XPNPEP1: variants seen among roughly 807,000 people sequenced by gnomAD.
XPNPEP1 encodes xaa-Pro aminopeptidase 1.
A neutral mutation model predicts 92.4 loss-of-function variants in XPNPEP1; 39 were observed. The ratio of observed to expected loss-of-function variants is 0.42; its 90% CI spans 0.33 to 0.55. The LOEUF is 0.55. Among genes scored for constraint, XPNPEP1 ranks in the 20% least tolerant of loss-of-function variants. XPNPEP1 has a pLI of 0.08. For missense variants in XPNPEP1, 654 were observed against 856.1 expected, an observed-to-expected ratio of 0.76 and a Z score of 2.95; for synonymous variants, 307 against 299.4, an observed-to-expected ratio of 1.03 and a Z score of -0.26.
At chr10:109,890,684 T>A (rs1848661010) in intron 5 of XPNPEP1, among the ~76,000 whole-genome samples, 1 of 152,104 alleles carries the variant, frequency 6.6e-6, no homozygotes, top group South Asian at 2.1e-4. Context: ...GGTGTTTTTA[T>A]ATTTATGAAA....
intron 12 of XPNPEP1, among the ~76,000 whole-genome samples, chr10:109,879,561 C>T (rs904273017): frequency 2.0e-5 from 3 of 151,876 alleles, no homozygotes; most frequent in Non-Finnish European, 4.4e-5. Flanking sequence ...CAGAGTGAGA[C>T]TCCGTCTCAA....
chr10:109,900,485 G>A (rs574412077), intron 3 of XPNPEP1, among the ~76,000 whole-genome samples: 1 of 152,176 alleles, frequency 6.6e-6, no homozygotes, highest in East Asian at 1.9e-4. Context: ...CTAAAACAAG[G>A]AACCCATTTC....
At chr10:109,875,885 G>A (rs896995549) in intron 14 of XPNPEP1, 8 of 283,262 alleles carry the variant, frequency 2.8e-5, no homozygotes, top group African/African-American at 1.8e-4. Context: ...CAAAATAGGT[G>A]TTCAAGAGAT....
intron 3 of XPNPEP1, among the ~76,000 whole-genome samples, chr10:109,897,437 T>C (rs1292622086): frequency 6.6e-6 from 1 of 152,204 alleles, no homozygotes; most frequent in Non-Finnish European, 1.5e-5. Context: ...TGACAAATAA[T>C]GTTAGCTAAG....
chr10:109,910,637 A>G (rs557780213), intron 2 of XPNPEP1, among the ~76,000 whole-genome samples: 1 of 151,782 alleles, frequency 6.6e-6, no homozygotes, highest in South Asian at 2.1e-4. Flanking sequence ...ATAATACTCC[A>G]TTGTCTGGAT....
At chr10:109,875,337 G>A (rs563037312) in intron 15 of XPNPEP1, among the ~76,000 whole-genome samples, 191 bp downstream of exon 15, 1 of 152,274 alleles carries the variant, frequency 6.6e-6, no homozygotes, top group South Asian at 2.1e-4. Flanking sequence ...ACAGTCTTTT[G>A]TGAGAACAGA....
chr10:109,897,281 G>C (rs1225895572), intron 3 of XPNPEP1, among the ~76,000 whole-genome samples: 1 of 149,702 alleles, frequency 6.7e-6, no homozygotes, highest in African/African-American at 2.5e-5. Flanking sequence ...AAAAAAAAAA[G>C]CTAGTCATCT....
At position 109,868,667 on chromosome 10, in the gene XPNPEP1, A is replaced by G. The variant is rs548234420; in HGVS notation, c.1819T>C (p.Leu607=). 29 of 1,614,024 alleles carry G rather than the reference A, an allele frequency of 1.8e-5. No individual in the cohort carries two copies. In the South Asian group the frequency reaches 3.0e-4, roughly 17 times the overall value. The change falls in exon 20 of 21, where the codon TTG becomes CTG. Residue 607 remains leucine (L), a synonymous_variant. Transcript: ENST00000502935. The stretch of plus-strand genomic sequence containing the variant: ...ATCATTTTGGTCTGAATTGGAACCA[A>G]TGTTAGAGGTTCAAAGGTCAGGCTT... ...RGSLTFEPLT[L]VPIQTKMIDV... is the part of the protein sequence containing the mutation.
intron 1 of XPNPEP1, 192 bp downstream of exon 1, chr10:109,923,210 G>C (rs950395616): frequency 1.0e-6 from 1 of 985,222 alleles, no homozygotes; most frequent in Non-Finnish European, 1.2e-6. Flanking sequence ...GAAACGAACC[G>C]GATCTCGCCC....
chr10:109,878,374 T>C (rs2133384496), intron 12 of XPNPEP1: 1 of 260,282 alleles, frequency 3.8e-6, no homozygotes, highest in South Asian at 6.9e-5. Flanking sequence ...CGTAAGAAAA[T>C]CATTCTAGAG....
In XPNPEP1 at chr10:109,890,593, TGAGAGAGAGA is replaced by T. The variant is rs34618002; in HGVS notation, c.415+1119_415+1128del. On this transcript the variant is annotated intron_variant, in intron 5 of 20. Coordinates refer to ENST00000502935, the MANE Select transcript of XPNPEP1 (RefSeq NM_020383.4). The stretch of plus-strand genomic sequence containing the variant: ...GTGTGTGTGTGTGTGTGTGTGTGTG[TGAGAGAGAGA>T]GAGAGAGAGAGAGAGAGAGAGAAAG... 2.1e-3 allele frequency among the ~76,000 whole-genome samples: 215 copies of T among 104,094 alleles called. 2 individuals carry two copies. The highest frequency in any genetic ancestry group is 0.014 in the South Asian group (32 of 2,366). The allele number at this position is 104,094 out of a possible 152,430, so 68.3% of individuals were successfully genotyped here.
intron 18 of XPNPEP1, among the ~76,000 whole-genome samples, chr10:109,870,259 A>G (rs905931401): frequency 2.6e-5 from 4 of 152,138 alleles, no homozygotes; most frequent in African/African-American, 9.7e-5. Flanking sequence ...CACACTGGCT[A>G]CAGGGTAAGG....
At chr10:109,871,583 G>A (rs1180249399) in intron 17 of XPNPEP1, among the ~76,000 whole-genome samples, 1 of 152,140 alleles carries the variant, frequency 6.6e-6, no homozygotes, top group Non-Finnish European at 1.5e-5. Context: ...GTGCACAGGG[G>A]GTACTGGGCC....
At chr10:109,886,820 G>A (rs1848418763) in intron 7 of XPNPEP1, among the ~76,000 whole-genome samples, 1 of 152,176 alleles carries the variant, frequency 6.6e-6, no homozygotes, top group Non-Finnish European at 1.5e-5. Context: ...CAGGGGTCAG[G>A]GGAACAGCAC....
At chr10:109,877,364 G>A (rs1307815064) in intron 14 of XPNPEP1, 1 of 165,156 alleles carries the variant, frequency 6.1e-6, no homozygotes, top group Non-Finnish European at 1.3e-5. Context: ...TACTCAGGAG[G>A]CTGAGGCAGG....
intron 14 of XPNPEP1, chr10:109,876,069 T>G (rs1327563116): frequency 6.5e-6 from 1 of 153,284 alleles, no homozygotes; most frequent in Non-Finnish European, 1.5e-5. Context: ...AGCAGGTACC[T>G]CCCCACTCGC....
chr10:109,918,021 G>A (rs1850284054), intron 1 of XPNPEP1, among the ~76,000 whole-genome samples: 1 of 152,066 alleles, frequency 6.6e-6, no homozygotes, highest in African/African-American at 2.4e-5. Flanking sequence ...GCTGAGGTGG[G>A]GTGGATCACT....
intron 9 of XPNPEP1, among the ~76,000 whole-genome samples, chr10:109,883,625 T>A (rs1457202750): frequency 6.6e-6 from 1 of 152,046 alleles, no homozygotes; most frequent in Non-Finnish European, 1.5e-5. Context: ...GCTATTGAAA[T>A]AGAACAGTAA....
At chr10:109,880,326 G>T in intron 11 of XPNPEP1, 88 bp from the exon 12 acceptor site, 1 of 1,352,402 alleles carries the variant, frequency 7.4e-7, no homozygotes, top group Non-Finnish European at 1.1e-6. Context: ...ATACTGAGAA[G>T]GCTGTACCTG....
Sources: gnomAD v4.1 joint callset for allele counts (sites outside exome capture counted in the v4.1 genomes callset) on GRCh38, gnomAD v4.1.1 for gene constraint, MANE v1.5 for transcripts, NCBI Gene and HGNC (gene_info 2026-07-23, HGNC 2026-07-21) for gene names.